Variants in SIAH3 observed in about 807,000 individuals in gnomAD.
SIAH3 encodes seven in absentia homolog 3.
SIAH3 carries 9 observed loss-of-function variants against 12.6 expected under a neutral mutation model. The ratio of observed to expected loss-of-function variants is 0.72; its 90% CI spans 0.43 to 1.25. The LOEUF (loss-of-function observed/expected upper bound fraction) is 1.25, where lower values mean the gene tolerates loss of function less well. SIAH3 is among the 50% of genes most tolerant of loss of function. The pLI is 0.00. For synonymous variants in SIAH3, 154 were observed against 151.1 expected, an observed-to-expected ratio of 1.02 and a Z score of -0.14; for missense variants, 390 against 365.4, an observed-to-expected ratio of 1.07 and a Z score of -0.55.
chr13:45,791,130 C>T (rs1028417909), intron 1 of SIAH3, among the ~76,000 whole-genome samples: 4 of 151,636 alleles, frequency 2.6e-5, no homozygotes, highest in Non-Finnish European at 5.9e-5. Context: ...TGCCACTGCA[C>T]TCCAGCCTGA....
At chr13:45,801,093 G>GGT (rs1555257350) in intron 1 of SIAH3, among the ~76,000 whole-genome samples, 47 of 48,862 alleles carry the variant, frequency 9.6e-4, no homozygotes, top group Admixed American at 5.4e-3. Context: ...AGTGATGGGT[G>GGT]GCGGGGGGGG....
chr13:45,823,091 G>T (rs1950662184), intron 1 of SIAH3, among the ~76,000 whole-genome samples: 1 of 152,132 alleles, frequency 6.6e-6, no homozygotes, highest in Non-Finnish European at 1.5e-5. Context: ...TCAGTAGAAG[G>T]TGGGCATCCT....
chr13:45,826,914 G>A (rs1593385246), intron 1 of SIAH3, among the ~76,000 whole-genome samples: 1 of 152,140 alleles, frequency 6.6e-6, no homozygotes, highest in Non-Finnish European at 1.5e-5. Flanking sequence ...CCCTAGGACT[G>A]TCTCTGGGCG....
rs1438433791 is a variant in SIAH3 at position 45,779,631 on chromosome 13, G to A, written c.*3752C>T. 2 of 152,094 alleles carry A rather than the reference G, an allele frequency of 1.3e-5. No individual in the cohort carries two copies. Among genetic ancestry groups the A allele is most frequent in the South Asian group, 2.1e-4 (1 of 4,826 alleles). The allele number at this position is 152,094 out of a possible 1,614,324, so 9.4% of individuals were successfully genotyped here. On this transcript the variant is annotated 3_prime_UTR_variant, in exon 2 of 2. Coordinates refer to ENST00000400405, the MANE Select transcript of SIAH3 (RefSeq NM_198849.3). ...AGTTGGCTAAATTCTCTTAGCTTAC[G>A]TTTCCCACCCGTAACATGAATACAA...
intron 1 of SIAH3, among the ~76,000 whole-genome samples, chr13:45,828,444 G>T (rs1950686553): frequency 6.6e-6 from 1 of 152,190 alleles, no homozygotes; most frequent in Non-Finnish European, 1.5e-5. Context: ...AAGCTGCTAG[G>T]ATTCTGTGTC....
intron 1 of SIAH3, among the ~76,000 whole-genome samples, chr13:45,784,487 T>A (rs969807604): frequency 1.3e-5 from 2 of 151,980 alleles, no homozygotes; most frequent in Non-Finnish European, 2.9e-5. Context: ...TTTTTCTATT[T>A]TGTCATAGTT....
intron 1 of SIAH3, among the ~76,000 whole-genome samples, chr13:45,839,219 C>T (rs7981534): frequency 7.5e-6 from 1 of 133,944 alleles, no homozygotes; most frequent in Non-Finnish European, 1.6e-5. Context: ...ACTTCTTTCT[C>T]CTCTTCTTTT....
intron 1 of SIAH3, among the ~76,000 whole-genome samples, chr13:45,840,666 C>T (rs556840426): frequency 2.8e-4 from 42 of 152,256 alleles, no homozygotes; most frequent in African/African-American, 1.0e-3. Context: ...ATTGCCCACC[C>T]CGAGCCGGAG....
intron 1 of SIAH3, among the ~76,000 whole-genome samples, chr13:45,827,653 AT>A (rs1442639196): frequency 6.6e-6 from 1 of 152,096 alleles, no homozygotes; most frequent in Non-Finnish European, 1.5e-5. Context: ...GGACAGACTA[AT>A]GAGTCCCATA....
chr13:45,837,536 A>AGAAG (rs1362341817), intron 1 of SIAH3, among the ~76,000 whole-genome samples: 1 of 129,774 alleles, frequency 7.7e-6, no homozygotes, highest in African/African-American at 2.8e-5. Flanking sequence ...GAAAGAGACA[A>AGAAG]GAAGGAAGGA....
intron 1 of SIAH3, among the ~76,000 whole-genome samples, chr13:45,845,808 A>G (rs1950757416): frequency 6.6e-6 from 1 of 152,076 alleles, no homozygotes; most frequent in Non-Finnish European, 1.5e-5. Context: ...GCCCAAACTC[A>G]TAGAAGGGGT....
chr13:45,835,459 C>T (rs1351109962), intron 1 of SIAH3, among the ~76,000 whole-genome samples: 2 of 152,130 alleles, frequency 1.3e-5, no homozygotes, highest in Non-Finnish European at 2.9e-5. Flanking sequence ...ATAATAGCAG[C>T]TAACATCTGT....
chr13:45,790,442 C>A (rs984111663), intron 1 of SIAH3, among the ~76,000 whole-genome samples: 1 of 151,964 alleles, frequency 6.6e-6, no homozygotes, highest in Non-Finnish European at 1.5e-5. Flanking sequence ...TTGCCAGCCA[C>A]AAGGGAAGGA....
At chr13:45,789,941 T>A (rs1251831190) in intron 1 of SIAH3, among the ~76,000 whole-genome samples, 2 of 152,216 alleles carry the variant, frequency 1.3e-5, no homozygotes, top group African/African-American at 4.8e-5. Flanking sequence ...TAATAGATGC[T>A]AGAAATGGGC....
chr13:45,840,679 T>A (rs1950736898), intron 1 of SIAH3, among the ~76,000 whole-genome samples: 2 of 152,140 alleles, frequency 1.3e-5, no homozygotes, highest in South Asian at 4.1e-4. Flanking sequence ...AGCCGGAGCA[T>A]CTTTGTGTGC....
intron 1 of SIAH3, among the ~76,000 whole-genome samples, chr13:45,823,247 C>T (rs557714784): frequency 6.6e-6 from 1 of 152,154 alleles, no homozygotes; most frequent in South Asian, 2.1e-4. Flanking sequence ...CCTGGCCCAA[C>T]CCTAGAGTGC....
intron 1 of SIAH3, among the ~76,000 whole-genome samples, chr13:45,838,093 T>C (rs1363121351): frequency 1.3e-5 from 2 of 152,218 alleles, no homozygotes; most frequent in African/African-American, 4.8e-5. Context: ...AAGACTCATC[T>C]CTGCACACCA....
Position 45,851,724 on chromosome 13 carries a change from T to G in SIAH3, c.-95A>C. The G allele has an allele frequency of 6.6e-7, 1 of 1,521,770 alleles. No individual in the cohort carries two copies. Among genetic ancestry groups the G allele is most frequent in the Non-Finnish European group, 9.0e-7 (1 of 1,113,148 alleles). 94.3% of individuals were successfully genotyped at this position (1,521,770 alleles called of 1,614,324 possible). A position where few individuals can be genotyped will look rare whatever the true frequency, so the allele number is the denominator to read the frequency against. On this transcript the variant is annotated 5_prime_UTR_variant, in exon 1 of 2. Transcript: ENST00000400405. The stretch of plus-strand genomic sequence containing the variant: ...GAGCGCAGCCTCTGAGACACTCCGC[T>G]CCAGCCCGGCTTAGCGCGCCTTCAT...
chr13:45,795,857 A>T (rs574848581), intron 1 of SIAH3, among the ~76,000 whole-genome samples: 1 of 152,244 alleles, frequency 6.6e-6, no homozygotes, highest in African/African-American at 2.4e-5. Context: ...GTAAATTGTG[A>T]TATATCTACA....
Sources: allele counts gnomAD v4.1 joint callset (sites outside exome capture counted in the v4.1 genomes callset), GRCh38; gene constraint gnomAD v4.1.1; transcripts MANE v1.5; gene names NCBI Gene and HGNC (gene_info 2026-07-23, HGNC 2026-07-21).